Variants in SPTAN1 observed in about 807,000 individuals in gnomAD.
SPTAN1 encodes the protein spectrin alpha, non-erythrocytic 1, also known as spectrin alpha chain, non-erythrocytic 1.
SPTAN1 carries 61 observed loss-of-function variants against 331.3 expected under a neutral mutation model. The observed-to-expected ratio is 0.18, with a 90% CI of 0.15 to 0.23. The LOEUF (loss-of-function observed/expected upper bound fraction) is 0.23. Among genes scored for constraint, SPTAN1 ranks in the 10% least tolerant of loss-of-function variants. The pLI is 1.00. For missense variants in SPTAN1, 2,043 were observed against 3,147.9 expected (o/e 0.65, Z 8.40); for synonymous variants, 1,153 against 1,173.9 (o/e 0.98, Z 0.36).
At chr9:128,598,268 C>CT in intron 24 of SPTAN1, 132 bp from the exon 25 acceptor site, 1 of 720,526 alleles carries the variant, frequency 1.4e-6, no homozygotes. Flanking sequence ...TTTTTTTAAT[C>CT]CCCCCCTTTT....
chr9:128,585,681 T>G, intron 18 of SPTAN1, 67 bp from the exon 19 acceptor site: 1 of 1,366,822 alleles, frequency 7.3e-7, no homozygotes, highest in Non-Finnish European at 1.0e-6. Flanking sequence ...CAGAGAAAAC[T>G]TATTTTTGTC....
At chr9:128,626,952 C>A in intron 49 of SPTAN1, 1 of 616,064 alleles carries the variant, frequency 1.6e-6, no homozygotes, top group South Asian at 1.7e-5. Flanking sequence ...ATAACTGGGA[C>A]TACAAGCACG....
chr9:128,566,486 G>C (rs1479285367), intron 1 of SPTAN1, among the ~76,000 whole-genome samples: 9 of 152,208 alleles, frequency 5.9e-5, no homozygotes, highest in African/African-American at 2.2e-4. Flanking sequence ...GTTTTCATTT[G>C]GTTTCCTTGC....
At position 128,615,851 on chromosome 9, in the gene SPTAN1, T is replaced by C. The variant is rs780825737; in HGVS notation, c.5357+11T>C. 1 of 1,614,114 alleles carries C rather than the reference T, an allele frequency of 6.2e-7. No homozygotes were observed. Among genetic ancestry groups the C allele is most frequent in the East Asian group, 2.2e-5 (1 of 44,886 alleles). ...GGAGTCCTGGATCAAGTATGTCTTCTCAGCCCTCTAGAAGGCCCCTTACGC... is the reference window on the plus strand; with the variant it reads ...GGAGTCCTGGATCAAGTATGTCTTCCCAGCCCTCTAGAAGGCCCCTTACGC... On this transcript the variant is annotated intron_variant, in intron 41 of 56. Coordinates refer to ENST00000372739, the MANE Select transcript of SPTAN1 (RefSeq NM_001130438.3).
chr9:128,569,942 T>C (rs963100838), intron 3 of SPTAN1, among the ~76,000 whole-genome samples: 3 of 152,184 alleles, frequency 2.0e-5, no homozygotes, highest in African/African-American at 7.2e-5. Context: ...TTACTAATAA[T>C]GATGATTGTA....
chr9:128,587,711 C>T lies in SPTAN1; in HGVS notation c.2871+13C>T, dbSNP rs1310396107. 2 of 1,612,498 alleles carry T rather than the reference C, an allele frequency of 1.2e-6. No individual in the cohort carries two copies. Among genetic ancestry groups the T allele is most frequent in the Non-Finnish European group, 1.7e-6 (2 of 1,178,676 alleles). On this transcript the variant is annotated intron_variant, in intron 20 of 56. Transcript: ENST00000372739. ...ACAGTCCTGCCGGGTAAACTTGTAA[C>T]AGTTTATGGGTTACTGGAGGGAGGC...
At chr9:128,614,901 C>T (rs10988058) in intron 40 of SPTAN1, among the ~76,000 whole-genome samples, 33,556 of 152,092 alleles carry the variant, frequency 0.22, 5,392 homozygotes, top group East Asian at 0.48. Flanking sequence ...CATGATTTTG[C>T]AACATCATGC....
chr9:128,628,134 CG>C (rs751051882), intron 51 of SPTAN1, 192 bp downstream of exon 51: 1 of 799,604 alleles, frequency 1.3e-6, no homozygotes, highest in African/African-American at 1.7e-5. Flanking sequence ...CCCTGGTCCC[CG>C]ATAGAGCCTT....
At chr9:128,600,157 G>A (rs768031366) in intron 27 of SPTAN1, 42 bp downstream of exon 27, 16 of 1,603,274 alleles carry the variant, frequency 1.0e-5, no homozygotes, top group Admixed American at 1.7e-5. Context: ...AGAGTTTTGC[G>A]AGATCATGAA....
chr9:128,583,846 T>C lies in SPTAN1; in HGVS notation c.2070T>C (p.Ile690=). The change falls in exon 16 of 57, where the codon ATT becomes ATC. Residue 690 remains isoleucine (I), a synonymous_variant. Transcript: ENST00000372739. The stretch of plus-strand genomic sequence containing the variant: ...AATTTAATCGCAATGTTGAGGATAT[T>C]GAATTGTGGCTATATGAAGTAGAAG... ...QQQFNRNVED[I]ELWLYEVEGH... is the part of the protein sequence containing the mutation. 1 of 1,614,174 alleles carries C rather than the reference T, an allele frequency of 6.2e-7. No individual in the cohort carries two copies.
chr9:128,587,879 T>G (rs1222317437), intron 20 of SPTAN1, among the ~76,000 whole-genome samples, 181 bp downstream of exon 20: 1 of 152,172 alleles, frequency 6.6e-6, no homozygotes, highest in Admixed American at 6.5e-5. Context: ...AGAGTCTCAC[T>G]CCGTCGCCTA....
chr9:128,603,143 T>C (rs1375494036), intron 27 of SPTAN1, among the ~76,000 whole-genome samples: 1 of 151,952 alleles, frequency 6.6e-6, no homozygotes, highest in Non-Finnish European at 1.5e-5. Context: ...TTAGAGCTCC[T>C]GGCTGTTAAA....
intron 29 of SPTAN1, 24 bp from the exon 30 acceptor site, chr9:128,605,009 TA>T: frequency 6.2e-7 from 1 of 1,614,006 alleles, no homozygotes; most frequent in Admixed American, 1.7e-5. Context: ...TGGCATTTCT[TA>T]ACCTGAATGT....
In SPTAN1 at chr9:128,608,111, T is replaced by G. The variant is rs377553316; in HGVS notation, c.4345-19T>G. 13 of 1,614,220 alleles carry G rather than the reference T, an allele frequency of 8.1e-6. No individual in the cohort carries two copies. Among genetic ancestry groups the G allele is most frequent in the East Asian group, 4.5e-5 (2 of 44,888 alleles). ...TGCTGAAGGGCCTCATTTTCTCACCTGCCTCTTGCCCTCTTTAGCTGTTCC... is the reference window on the plus strand; with the variant it reads ...TGCTGAAGGGCCTCATTTTCTCACCGGCCTCTTGCCCTCTTTAGCTGTTCC... On this transcript the variant is annotated intron_variant, in intron 33 of 56. Coordinates refer to ENST00000372739, the MANE Select transcript of SPTAN1 (RefSeq NM_001130438.3).
At position 128,624,322 on chromosome 9, in the gene SPTAN1, G is replaced by A. The variant is rs773036348; in HGVS notation, c.5833-6G>A. ...TGACCAGTGTGTGCCTCTCTCCATG[G>A]CCTAGAACAATCACCATGAGGAGAA... On this transcript the variant is annotated splice_polypyrimidine_tract_variant and splice_region_variant and intron_variant, in intron 45 of 56. Transcript: ENST00000372739. The A allele has an allele frequency of 2.2e-5, 35 of 1,613,586 alleles. No individual in the cohort carries two copies. Among genetic ancestry groups the A allele is most frequent in the Non-Finnish European group, 2.9e-5 (34 of 1,179,964 alleles).
intron 2 of SPTAN1, 71 bp downstream of exon 2, chr9:128,567,048 G>T (rs1850114557): frequency 6.2e-7 from 1 of 1,602,908 alleles, no homozygotes; most frequent in Admixed American, 1.7e-5. Context: ...AATCAGACGA[G>T]GAAAGTTACT....
chr9:128,609,098 G>T lies in SPTAN1; in HGVS notation c.4596-24G>T, dbSNP rs755394501. 8.7e-6 allele frequency: 14 copies of T among 1,614,054 alleles called. No individual in the cohort carries two copies. In the African/African-American group the frequency reaches 9.3e-5, roughly 11 times the overall value. On this transcript the variant is annotated intron_variant, in intron 35 of 56. Coordinates refer to ENST00000372739, the MANE Select transcript of SPTAN1 (RefSeq NM_001130438.3). ...TCCACGGTAAGATATGCTCATGTTG[G>T]ATCTCATGGTTTCACTCTTTCAGGT...
At chr9:128,594,804 CTT>C (rs10594067) in intron 24 of SPTAN1, among the ~76,000 whole-genome samples, 16,561 of 90,450 alleles carry the variant, frequency 0.18, 1,173 homozygotes, top group East Asian at 0.4. Flanking sequence ...ATGTATGTAG[CTT>C]TTTTTTTTTT....
rs1043138231 is a variant in SPTAN1 at position 128,608,053 on chromosome 9, T to C, written c.4344+4T>C. ...GGATCAGTGCCTTGAACTGCAGGTG[T>C]GTGTGCTCCTGGTTTCTGACCAAGT... is the stretch of plus-strand genomic sequence containing the variant. On this transcript the variant is annotated splice_donor_region_variant and intron_variant, in intron 33 of 56. Coordinates refer to ENST00000372739, the MANE Select transcript of SPTAN1 (RefSeq NM_001130438.3). 4 of 1,614,134 alleles carry C rather than the reference T, an allele frequency of 2.5e-6. No individual in the cohort carries two copies. In the Admixed American group the frequency reaches 6.7e-5, roughly 27 times the overall value.
Sources: gnomAD v4.1 joint callset for allele counts (sites outside exome capture counted in the v4.1 genomes callset) on GRCh38, gnomAD v4.1.1 for gene constraint, MANE v1.5 for transcripts, NCBI Gene and HGNC (gene_info 2026-07-23, HGNC 2026-07-21) for gene names.